The following ADIPOR2 variants were observed in gnomAD, a reference collection of about 807,000 sequenced individuals.
The protein encoded by ADIPOR2 is adiponectin receptor 2.
In ADIPOR2, 18 loss-of-function variants were observed where a neutral mutation model predicts 40.9. The observed-to-expected ratio is 0.44, with a 90% CI of 0.30 to 0.65. The LOEUF (loss-of-function observed/expected upper bound fraction) is 0.65. ADIPOR2 is among the 30% of genes least tolerant of loss of function. ADIPOR2 has a pLI of 0.09. For synonymous variants in ADIPOR2, 165 were observed against 166.4 expected, an observed-to-expected ratio of 0.99 and a Z score of 0.06; for missense variants, 283 against 479.2, an observed-to-expected ratio of 0.59 and a Z score of 3.82.
chr12:1,784,846 A>G (rs775325583), intron 7 of ADIPOR2, among the ~76,000 whole-genome samples: 7 of 152,236 alleles, frequency 4.6e-5, no homozygotes, highest in Non-Finnish European at 1.0e-4. Context: ...GACCTTTGTA[A>G]TTCTGTTCCT....
chr12:1,754,410 A>G lies in ADIPOR2; in HGVS notation c.67A>G (p.Lys23Glu). Residue 23 changes from lysine to glutamate, a missense_variant, in exon 2 of 8, where the codon AAA becomes GAA. This residue lies in a region of ADIPOR2 where 65 missense variants were observed against 79.9 expected (regional missense o/e 0.81). Coordinates refer to ENST00000357103, the MANE Select transcript of ADIPOR2 (RefSeq NM_024551.3). ...TCCAGAGCCAGATATAAGGCTCAGAAAAGGGCACCAACTGGATGGTACACG... is the reference window on the plus strand; with the variant it reads ...TCCAGAGCCAGATATAAGGCTCAGAGAAGGGCACCAACTGGATGGTACACG... ...RTPEPDIRLRKGHQLDGTRRG... is the reference protein window; with the variant it reads ...RTPEPDIRLREGHQLDGTRRG... 6.2e-7 allele frequency: 1 copy of G among 1,613,676 alleles called. No homozygotes were observed. The highest frequency in any genetic ancestry group is 8.5e-7 in the Non-Finnish European group (1 of 1,179,766).
chr12:1,753,913 A>G (rs1231452233), intron 1 of ADIPOR2, among the ~76,000 whole-genome samples: 1 of 152,220 alleles, frequency 6.6e-6, no homozygotes, highest in Non-Finnish European at 1.5e-5. Context: ...CAAAGTAAGT[A>G]TTCTTCTCAC....
chr12:1,755,758 C>T (rs1399999802), intron 2 of ADIPOR2, among the ~76,000 whole-genome samples: 1 of 152,068 alleles, frequency 6.6e-6, no homozygotes, highest in African/African-American at 2.4e-5. Context: ...CAGTGTTTCT[C>T]AAACTTTGGG....
At chr12:1,746,055 T>TA (rs200356725) in intron 1 of ADIPOR2, among the ~76,000 whole-genome samples, 43 of 149,810 alleles carry the variant, frequency 2.9e-4, no homozygotes, top group African/African-American at 6.6e-4. Context: ...CCTGATGGAT[T>TA]AAAAAAAAAA....
At chr12:1,710,229 C>T (rs371722787) in intron 1 of ADIPOR2, among the ~76,000 whole-genome samples, 109 of 152,290 alleles carry the variant, frequency 7.2e-4, no homozygotes, top group African/African-American at 2.5e-3. Context: ...GGCACCCCAG[C>T]CATCAGCTGC....
At chr12:1,764,588 C>CACAT (rs1555170937) in intron 2 of ADIPOR2, among the ~76,000 whole-genome samples, 16,986 of 139,942 alleles carry the variant, frequency 0.12, 1,855 homozygotes, top group African/African-American at 0.26. Context: ...CACACACACA[C>CACAT]ACGTAGATAT....
chr12:1,738,953 A>G (rs770605889), intron 1 of ADIPOR2, among the ~76,000 whole-genome samples: 1 of 152,238 alleles, frequency 6.6e-6, no homozygotes, highest in Non-Finnish European at 1.5e-5. Flanking sequence ...TCAAAGAATA[A>G]CATTTCTTGT....
chr12:1,717,894 A>G (rs577957255), intron 1 of ADIPOR2, among the ~76,000 whole-genome samples: 3 of 152,296 alleles, frequency 2.0e-5, no homozygotes, highest in East Asian at 3.9e-4. Context: ...CTGGTACAGA[A>G]TAAACATATA....
chr12:1,746,696 A>G (rs2094755796), intron 1 of ADIPOR2, among the ~76,000 whole-genome samples: 2 of 152,210 alleles, frequency 1.3e-5, no homozygotes, highest in Non-Finnish European at 2.9e-5. Context: ...GCCACTTTCA[A>G]TAATGGGTAG....
At chr12:1,746,114 A>G (rs1427588795) in intron 1 of ADIPOR2, among the ~76,000 whole-genome samples, 1 of 152,254 alleles carries the variant, frequency 6.6e-6, no homozygotes, top group African/African-American at 2.4e-5. Context: ...GGACATGTAT[A>G]GGTTGAAAGT....
rs545817238 is a variant in ADIPOR2, at chr12:1,742,106, C to G, written c.-86-12152C>G. Among the ~76,000 whole-genome samples, 3 of 152,112 alleles carry G rather than the reference C, an allele frequency of 2.0e-5. No individual in the cohort carries two copies. The South Asian group carries it at 6.2e-4, about 32-fold the overall frequency. On this transcript the variant is annotated intron_variant, in intron 1 of 7. Transcript: ENST00000357103. Reference sequence around the variant, plus strand: ...TGTTTTTTGTCACTTTTCTCTCTCTCTTTTTTTAAGATAGCATCTTGCTAT... The same window carrying G: ...TGTTTTTTGTCACTTTTCTCTCTCTGTTTTTTTAAGATAGCATCTTGCTAT...
chr12:1,757,509 A>G, intron 2 of ADIPOR2: 1 of 774,668 alleles, frequency 1.3e-6, no homozygotes, highest in South Asian at 1.4e-5. Flanking sequence ...AAACTTGATG[A>G]AATTGGTAAT....
intron 1 of ADIPOR2, among the ~76,000 whole-genome samples, chr12:1,743,551 G>T (rs1015069827): frequency 6.6e-5 from 10 of 151,876 alleles, no homozygotes; most frequent in African/African-American, 2.2e-4. Context: ...CACGCCTGTA[G>T]TCTAAGCTTC....
At chr12:1,779,716 G>A (rs1342519967) in intron 4 of ADIPOR2, among the ~76,000 whole-genome samples, 2 of 152,186 alleles carry the variant, frequency 1.3e-5, no homozygotes, top group Admixed American at 1.3e-4. Flanking sequence ...TGAGAGGAGA[G>A]TAGAGGGTCA....
chr12:1,741,548 G>C (rs1193908142), intron 1 of ADIPOR2, among the ~76,000 whole-genome samples: 1 of 151,788 alleles, frequency 6.6e-6, no homozygotes, highest in Non-Finnish European at 1.5e-5. Flanking sequence ...GCAGCAGCAA[G>C]TTACAGAATA....
At chr12:1,725,182 C>T (rs745688975) in intron 1 of ADIPOR2, among the ~76,000 whole-genome samples, 5 of 151,364 alleles carry the variant, frequency 3.3e-5, no homozygotes, top group South Asian at 2.1e-4. Context: ...AGTGCAATGG[C>T]GCGATCTTGG....
Position 1,785,946 on chromosome 12 carries a change from T to G in ADIPOR2, c.1035T>G (p.Phe345Leu), listed in dbSNP as rs763310434. The G allele has an allele frequency of 2.5e-6, 4 of 1,614,124 alleles. No individual in the cohort carries two copies. Among genetic ancestry groups the G allele is most frequent in the South Asian group, 1.1e-5 (1 of 91,070 alleles). The part of the protein sequence containing the change: ...RFFPGKCDIW[F>L]HSHQLFHIFV... ...TTCTCTTCTTTTTTCCCCTCCAGTT[T>G]CACTCTCATCAGCTGTTTCATATCT... Residue 345 changes from phenylalanine (F) to leucine (L), a missense_variant and splice_region_variant, in exon 8 of 8, where the codon TTT (phenylalanine) becomes TTG (leucine). Phe to Leu is a conservative substitution (Grantham distance 22). Around this residue, in one of 3 missense-constraint regions of ADIPOR2, gnomAD observed 106 missense variants for 149.7 expected, o/e 0.71. Coordinates refer to ENST00000357103, the MANE Select transcript of ADIPOR2 (RefSeq NM_024551.3).
chr12:1,737,666 T>G (rs987251328), intron 1 of ADIPOR2, among the ~76,000 whole-genome samples: 1 of 152,272 alleles, frequency 6.6e-6, no homozygotes, highest in Middle Eastern at 3.4e-3. Context: ...CACTGTGACC[T>G]CTACCTCCTG....
chr12:1,786,066 A>C lies in ADIPOR2; in HGVS notation c.1155A>C (p.Ala385=), dbSNP rs769616920. ...GCGGGGGCTGCAGTGAAGAGGATGCACTGTGATACCTACCAGTCTCCAGGG... is the reference window on the plus strand; with the variant it reads ...GCGGGGGCTGCAGTGAAGAGGATGCCCTGTGATACCTACCAGTCTCCAGGG... ...MIGGGCSEED[A]L Residue 385 remains alanine, a synonymous_variant, in exon 8 of 8, where the codon GCA becomes GCC. Coordinates refer to ENST00000357103, the MANE Select transcript of ADIPOR2 (RefSeq NM_024551.3). 1 of 1,613,654 alleles carries C rather than the reference A, an allele frequency of 6.2e-7. No homozygotes were observed. The highest frequency in any genetic ancestry group is 1.1e-5 in the South Asian group (1 of 91,032).
Sources: allele counts gnomAD v4.1 joint callset (sites outside exome capture counted in the v4.1 genomes callset), GRCh38; gene constraint gnomAD v4.1.1; regional missense constraint gnomAD v4.1.1; transcripts MANE v1.5; gene names NCBI Gene and HGNC (gene_info 2026-07-23, HGNC 2026-07-21).